The following COBL variants were observed in gnomAD, a reference collection of about 807,000 sequenced individuals.
The protein encoded by COBL is protein cordon-bleu.
COBL carries 51 observed loss-of-function variants against 98.8 expected under a neutral mutation model. The observed-to-expected ratio is 0.52, with a 90% CI of 0.41 to 0.65. COBL has a LOEUF of 0.65. COBL is among the 30% of genes least tolerant of loss of function. COBL has a pLI of 0.00. For synonymous variants in COBL, 634 were observed against 651.7 expected, an observed-to-expected ratio of 0.97 and a Z score of 0.41; for missense variants, 1,617 against 1,617.5, an observed-to-expected ratio of 1.00 and a Z score of 0.01.
At chr7:51,234,155 T>C (rs376221657) in intron 1 of COBL, among the ~76,000 whole-genome samples, 8 of 152,186 alleles carry the variant, frequency 5.3e-5, no homozygotes, top group Admixed American at 3.9e-4. Flanking sequence ...TAATTCTCCG[T>C]TGAAAATATG....
intron 1 of COBL, among the ~76,000 whole-genome samples, chr7:51,227,766 G>A (rs115284892): frequency 1.6e-3 from 242 of 152,216 alleles, no homozygotes; most frequent in African/African-American, 5.2e-3. Context: ...CCAAGCTCAG[G>A]GCAATGTTCC....
chr7:51,299,996 A>G (rs1801779277), intron 1 of COBL, among the ~76,000 whole-genome samples: 1 of 152,196 alleles, frequency 6.6e-6, no homozygotes, highest in Non-Finnish European at 1.5e-5. Flanking sequence ...CACCTGGACT[A>G]GTGCTGGCCT....
intron 1 of COBL, among the ~76,000 whole-genome samples, chr7:51,234,598 G>T (rs1228011908): frequency 6.6e-6 from 1 of 151,798 alleles, no homozygotes; most frequent in Admixed American, 6.6e-5. Context: ...CTATTCTGGT[G>T]GCTGAGGTGG....
At chr7:51,109,020 C>T (rs1796597384) in intron 6 of COBL, among the ~76,000 whole-genome samples, 3 of 152,120 alleles carry the variant, frequency 2.0e-5, no homozygotes, top group East Asian at 1.9e-4. Context: ...TCCTTAGTCT[C>T]GGTCACCCCA....
At chr7:51,142,180 G>A (rs1015545198) in intron 5 of COBL, among the ~76,000 whole-genome samples, 1 of 152,028 alleles carries the variant, frequency 6.6e-6, no homozygotes, top group Non-Finnish European at 1.5e-5. Flanking sequence ...GGAAATGATC[G>A]CTCTTTTTTG....
At chr7:51,144,429 G>A (rs1334286587) in intron 5 of COBL, among the ~76,000 whole-genome samples, 1 of 152,168 alleles carries the variant, frequency 6.6e-6, no homozygotes, top group Non-Finnish European at 1.5e-5. Flanking sequence ...ACTCCCTGGA[G>A]CTTTAATGAT....
intron 7 of COBL, among the ~76,000 whole-genome samples, chr7:51,082,739 C>G (rs556850869): frequency 1.8e-4 from 28 of 152,334 alleles, no homozygotes; most frequent in Admixed American, 1.8e-3. Context: ...CTGTGCCGGA[C>G]AGCTGTCTCT....
intron 5 of COBL, among the ~76,000 whole-genome samples, chr7:51,168,590 T>C (rs1787559359): frequency 6.6e-6 from 1 of 152,194 alleles, no homozygotes; most frequent in African/African-American, 2.4e-5. Flanking sequence ...TCAGTTAAAA[T>C]GGCTTATATC....
At chr7:51,151,627 A>G (rs868296615) in intron 5 of COBL, among the ~76,000 whole-genome samples, 4 of 152,370 alleles carry the variant, frequency 2.6e-5, no homozygotes, top group South Asian at 2.1e-4. Context: ...GAGAGGCGGA[A>G]TAAACATTTA....
At chr7:51,081,815 G>A (rs1415177055) in intron 7 of COBL, among the ~76,000 whole-genome samples, 1 of 152,118 alleles carries the variant, frequency 6.6e-6, no homozygotes, top group Admixed American at 6.5e-5. Flanking sequence ...AGAGAGCACC[G>A]ACTCTCATGG....
chr7:51,138,589 A>T (rs1799450685), intron 5 of COBL, among the ~76,000 whole-genome samples: 1 of 152,224 alleles, frequency 6.6e-6, no homozygotes, highest in Non-Finnish European at 1.5e-5. Flanking sequence ...GAGCATGGAC[A>T]CTGGGACCTT....
At chr7:51,061,093 T>C (rs938760304) in intron 7 of COBL, among the ~76,000 whole-genome samples, 8 of 152,154 alleles carry the variant, frequency 5.3e-5, no homozygotes, top group African/African-American at 1.9e-4. Flanking sequence ...CACAACCAGC[T>C]GAGGTGCTTG....
Position 51,205,623 on chromosome 7 carries a change from T to C in COBL, c.246-12034A>G, listed in dbSNP as rs1344705350. 2.0e-5 allele frequency among the ~76,000 whole-genome samples: 3 copies of C among 146,446 alleles called. No homozygotes were observed. The East Asian group carries it at 5.9e-4, about 29-fold the overall frequency. On this transcript the variant is annotated intron_variant, in intron 2 of 12. Transcript: ENST00000265136. ...ATTGGTCTGGGCAGTTTTTTGTTTGTTTGTTTTTGTTTTTTGGTTTTTTGT... is the reference window on the plus strand; with the variant it reads ...ATTGGTCTGGGCAGTTTTTTGTTTGCTTGTTTTTGTTTTTTGGTTTTTTGT...
At chr7:51,180,441 T>C (rs1788829317) in intron 5 of COBL, among the ~76,000 whole-genome samples, 1 of 152,226 alleles carries the variant, frequency 6.6e-6, no homozygotes, top group Non-Finnish European at 1.5e-5. Context: ...AATCCTTAAC[T>C]TGGCTTCCTA....
chr7:51,316,664 C>G lies in COBL; in HGVS notation c.-31G>C. On this transcript the variant is annotated 5_prime_UTR_variant, in exon 1 of 13. Transcript: ENST00000265136. The stretch of plus-strand genomic sequence containing the variant: ...CGGGGGCCGGGACGCGGGCGGTGCT[C>G]CGGGCCCGCCGAGTCAGGCGCTGGC... The G allele has an allele frequency of 2.5e-6, 3 of 1,190,822 alleles. No individual in the cohort carries two copies. Among genetic ancestry groups the G allele is most frequent in the Non-Finnish European group, 3.1e-6 (3 of 961,064 alleles). 73.8% of individuals were successfully genotyped at this position (1,190,822 alleles called of 1,614,324 possible).
intron 7 of COBL, among the ~76,000 whole-genome samples, chr7:51,084,573 G>A (rs539226319): frequency 1.2e-4 from 19 of 152,244 alleles, no homozygotes; most frequent in African/African-American, 3.4e-4. Context: ...CCTGTAGCAC[G>A]AGGGGTGGGC....
At chr7:51,164,826 T>A (rs914985764) in intron 5 of COBL, among the ~76,000 whole-genome samples, 3 of 151,944 alleles carry the variant, frequency 2.0e-5, no homozygotes, top group African/African-American at 7.2e-5. Flanking sequence ...ACATAGACAG[T>A]ACAATAAGAT....
At chr7:51,306,420 G>A (rs1196793352) in intron 1 of COBL, among the ~76,000 whole-genome samples, 2 of 152,096 alleles carry the variant, frequency 1.3e-5, no homozygotes, top group Admixed American at 1.3e-4. Context: ...GTGGGTCTGG[G>A]TTCTGTGTAG....
rs772330553 is a variant in COBL, at chr7:51,028,912, G to A, written c.2184C>T (p.Thr728=). 74 of 1,614,048 alleles carry A rather than the reference G, an allele frequency of 4.6e-5. No individual in the cohort carries two copies. Among genetic ancestry groups the A allele is most frequent in the Middle Eastern group, 3.3e-4 (2 of 6,084 alleles). The part of the protein sequence containing the change: ...RCYDRDVSLS[T]GAIKIDELGN... The stretch of plus-strand genomic sequence containing the variant: ...CCAGCTCGTCAATCTTAATGGCTCC[G>A]GTGGAGAGGGACACATCTCTGTCGT... The change falls in exon 10 of 13, where the codon ACC becomes ACT. Residue 728 remains threonine (T), a synonymous_variant. Transcript: ENST00000265136.
Sources: gnomAD v4.1 joint callset for allele counts (sites outside exome capture counted in the v4.1 genomes callset) on GRCh38, gnomAD v4.1.1 for gene constraint, MANE v1.5 for transcripts, NCBI Gene and HGNC (gene_info 2026-07-23, HGNC 2026-07-21) for gene names.